Variants in MCC observed in about 807,000 individuals in gnomAD.
The protein encoded by MCC is MCC regulator of Wnt signaling pathway.
MCC carries 90 observed loss-of-function variants against 116.2 expected under a neutral mutation model. The ratio of observed to expected loss-of-function variants is 0.77; its 90% CI spans 0.65 to 0.92. MCC has a LOEUF of 0.92. Among genes scored for constraint, MCC ranks in the 40% least tolerant of loss-of-function variants. The probability of loss-of-function intolerance (pLI) is 0.00; values close to 1 mark genes in which losing one functional copy is unlikely to be tolerated. For missense variants in MCC, 1,516 were observed against 1,312.2 expected, an observed-to-expected ratio of 1.16 and a Z score of -2.40; for synonymous variants, 578 against 510.5, an observed-to-expected ratio of 1.13 and a Z score of -1.78.
At chr5:113,344,100 T>C (rs1263193303) in intron 2 of MCC, among the ~76,000 whole-genome samples, 1 of 152,146 alleles carries the variant, frequency 6.6e-6, no homozygotes, top group Non-Finnish European at 1.5e-5. Context: ...TTATGTACCA[T>C]GGAGAATCTG....
At chr5:113,377,369 G>A (rs1769014174) in intron 2 of MCC, among the ~76,000 whole-genome samples, 1 of 152,134 alleles carries the variant, frequency 6.6e-6, no homozygotes, top group Non-Finnish European at 1.5e-5. Flanking sequence ...GAAACATGAT[G>A]TGATATAGTA....
chr5:113,031,523 C>T (rs920868597), intron 17 of MCC, among the ~76,000 whole-genome samples: 1 of 151,798 alleles, frequency 6.6e-6, no homozygotes, highest in Non-Finnish European at 1.5e-5. Flanking sequence ...TTTTGCCCTA[C>T]ATTTTATTAC....
chr5:113,053,217 T>C (rs1169119128), intron 15 of MCC, among the ~76,000 whole-genome samples: 3 of 152,148 alleles, frequency 2.0e-5, no homozygotes, highest in Non-Finnish European at 4.4e-5. Context: ...ACTGAAACAC[T>C]GACCTCAACA....
rs1416046729 is a variant in MCC at position 113,190,381 on chromosome 5, C to T, written c.628-38959G>A. On this transcript the variant is annotated intron_variant, in intron 3 of 18. Coordinates refer to ENST00000408903, the MANE Select transcript of MCC (RefSeq NM_001085377.2). ...CTTCCCTAGATCCAGGCTCTCTGGC[C>T]TACATAGCAAAGGCAAAATCACATG... Among the ~76,000 whole-genome samples the T allele has an allele frequency of 2.0e-5, 3 of 152,298 alleles. No individual in the cohort carries two copies. The East Asian group carries it at 5.8e-4, about 29-fold the overall frequency.
intron 16 of MCC, among the ~76,000 whole-genome samples, chr5:113,046,440 C>A (rs4073358): frequency 2.6e-5 from 4 of 151,818 alleles, no homozygotes; most frequent in African/African-American, 9.7e-5. Flanking sequence ...GATCCACCCG[C>A]CTCGGGTTCC....
At chr5:113,036,377 G>T (rs1751333385) in intron 17 of MCC, among the ~76,000 whole-genome samples, 1 of 152,088 alleles carries the variant, frequency 6.6e-6, no homozygotes, top group African/African-American at 2.4e-5. Flanking sequence ...GCAGAACTGG[G>T]ACTCCCACCT....
At chr5:113,028,451 G>A (rs1438687451) in intron 18 of MCC, among the ~76,000 whole-genome samples, 1 of 151,892 alleles carries the variant, frequency 6.6e-6, no homozygotes, top group African/African-American at 2.4e-5. Context: ...AACATGAGAA[G>A]TATCAATAAA....
chr5:113,138,417 C>T (rs1266507115), intron 5 of MCC, among the ~76,000 whole-genome samples: 1 of 152,136 alleles, frequency 6.6e-6, no homozygotes, highest in Non-Finnish European at 1.5e-5. Context: ...GGGTGGGGTC[C>T]TCATGATGGG....
chr5:113,199,203 T>C (rs1202322393), intron 3 of MCC, among the ~76,000 whole-genome samples: 1 of 150,292 alleles, frequency 6.7e-6, no homozygotes, highest in African/African-American at 2.5e-5. Context: ...ATGAAATCAA[T>C]AGAAGAGCAT....
At chr5:113,118,652 A>G (rs73237145) in intron 6 of MCC, among the ~76,000 whole-genome samples, 3,536 of 152,374 alleles carry the variant, frequency 0.023, 138 homozygotes, top group African/African-American at 0.081. Flanking sequence ...TTGCTAATGC[A>G]GGTTTGCAAA....
At chr5:113,397,246 C>G (rs1387100516) in intron 1 of MCC, among the ~76,000 whole-genome samples, 1 of 152,168 alleles carries the variant, frequency 6.6e-6, no homozygotes, top group East Asian at 1.9e-4. Context: ...GCTCCTCCCA[C>G]TGTCTTAAAG....
chr5:113,355,473 A>G (rs1452110055), intron 2 of MCC, among the ~76,000 whole-genome samples: 4 of 152,174 alleles, frequency 2.6e-5, no homozygotes, highest in African/African-American at 9.7e-5. Context: ...AGGCTCCTCA[A>G]TGAAGAGATA....
chr5:113,226,351 C>T (rs555084239), intron 3 of MCC, among the ~76,000 whole-genome samples: 11 of 152,286 alleles, frequency 7.2e-5, no homozygotes, highest in African/African-American at 2.6e-4. Context: ...AGGCAGGAGC[C>T]ATGATGGAGA....
chr5:113,169,709 GTCAC>G (rs1364604083), intron 3 of MCC, among the ~76,000 whole-genome samples: 1 of 152,134 alleles, frequency 6.6e-6, no homozygotes, highest in South Asian at 2.1e-4. Context: ...CCCAAGAGCA[GTCAC>G]CTTTTGAACT....
chr5:113,460,185 G>A (rs1771706111), intron 1 of MCC, among the ~76,000 whole-genome samples: 1 of 152,156 alleles, frequency 6.6e-6, no homozygotes, highest in Non-Finnish European at 1.5e-5. Context: ...TTTCATGACT[G>A]TCATGGGTAG....
At chr5:113,162,303 C>T (rs1760533015) in intron 3 of MCC, among the ~76,000 whole-genome samples, 2 of 152,132 alleles carry the variant, frequency 1.3e-5, no homozygotes, top group African/African-American at 4.8e-5. Flanking sequence ...AATGCAAAAA[C>T]AAAATACCCT....
intron 5 of MCC, among the ~76,000 whole-genome samples, chr5:113,127,358 T>TAC (rs1758118021): frequency 2.0e-5 from 3 of 152,226 alleles, no homozygotes; most frequent in Non-Finnish European, 2.9e-5. Context: ...TTCCTCTTGG[T>TAC]ATATACCCAG....
In MCC at chr5:113,054,034, C is replaced by T; in HGVS notation, c.2214-75G>A. On this transcript the variant is annotated intron_variant, in intron 14 of 18. Coordinates refer to ENST00000408903, the MANE Select transcript of MCC (RefSeq NM_001085377.2). ...ATGGCAAATAGATCTTTCCTCCTCA[C>T]TCTTCTCCACATTCCCTCTCCCCAG... 6.7e-6 allele frequency: 7 copies of T among 1,049,544 alleles called. No individual in the cohort carries two copies. In the South Asian group the frequency reaches 7.0e-5, roughly 11 times the overall value. The allele number at this position is 1,049,544 out of a possible 1,614,324, so 65.0% of individuals were successfully genotyped here. A position where few individuals can be genotyped will look rare whatever the true frequency, so the allele number is the denominator to read the frequency against.
intron 17 of MCC, among the ~76,000 whole-genome samples, chr5:113,040,124 T>C (rs1310242178): frequency 2.6e-5 from 4 of 151,780 alleles, no homozygotes; most frequent in African/African-American, 9.7e-5. Flanking sequence ...GCAATAAATG[T>C]TCACCGAAGT....
Sources: gnomAD v4.1 joint callset for allele counts (sites outside exome capture counted in the v4.1 genomes callset) on GRCh38, gnomAD v4.1.1 for gene constraint, MANE v1.5 for transcripts, NCBI Gene and HGNC (gene_info 2026-07-23, HGNC 2026-07-21) for gene names.